Variants in WASHC4 observed in about 807,000 individuals in gnomAD.
The protein encoded by WASHC4 is WASH complex subunit 4, also known as WASH complex subunit 7.
A neutral mutation model predicts 166.6 loss-of-function variants in WASHC4; 86 were observed. The observed-to-expected ratio is 0.52, with a 90% confidence interval of 0.43 to 0.62. The LOEUF is 0.62. Ranked by LOEUF, WASHC4 falls within the 20% of genes least tolerant of loss-of-function variation. WASHC4 has a pLI of 0.00. For missense variants in WASHC4, 1,262 were observed against 1,382.4 expected, an observed-to-expected ratio of 0.91 and a Z score of 1.38; for synonymous variants, 446 against 451.6, an observed-to-expected ratio of 0.99 and a Z score of 0.16.
chr12:105,152,635 A>G lies in WASHC4; in HGVS notation c.2758+184A>G, dbSNP rs570939139. Among the ~76,000 whole-genome samples, 17 of 152,298 alleles carry G rather than the reference A, an allele frequency of 1.1e-4. No homozygotes were observed. The East Asian group carries it at 3.1e-3, about 28-fold the overall frequency. ...TAGACTGTTGCTGCAGAAATAATTG[A>G]TAGACTATAGGCTAATCACGTAAAT... On this transcript the variant is annotated intron_variant, in intron 26 of 32. Coordinates refer to ENST00000332180, the MANE Select transcript of WASHC4 (RefSeq NM_015275.3).
intron 2 of WASHC4, among the ~76,000 whole-genome samples, chr12:105,113,227 TG>T (rs1375278404): frequency 1.2e-4 from 18 of 152,214 alleles, no homozygotes; most frequent in African/African-American, 4.1e-4. Context: ...TAATACATGT[TG>T]ATTTTTTAAA....
At chr12:105,160,606 CCTCCCAAAGTG>C (rs1338191595) in intron 29 of WASHC4, among the ~76,000 whole-genome samples, 6 of 152,176 alleles carry the variant, frequency 3.9e-5, no homozygotes, top group African/African-American at 1.4e-4. Context: ...CTTGCCTTGG[CCTCCCAAAGTG>C]CTGAGATTAC....
chr12:105,164,024 G>A, intron 30 of WASHC4, 87 bp from the exon 31 acceptor site: 1 of 1,143,768 alleles, frequency 8.7e-7, no homozygotes, highest in Non-Finnish European at 1.3e-6. Context: ...TACTCAGAAT[G>A]CTTAGTGTTG....
At chr12:105,140,459 A>T in intron 16 of WASHC4, 58 bp downstream of exon 16, 1 of 1,228,788 alleles carries the variant, frequency 8.1e-7, no homozygotes, top group East Asian at 2.3e-5. Flanking sequence ...TTGTTCTTTC[A>T]TTGTTTTATA....
At chr12:105,116,754 G>A (rs1880222015) in intron 6 of WASHC4, among the ~76,000 whole-genome samples, 1 of 152,196 alleles carries the variant, frequency 6.6e-6, no homozygotes, top group Non-Finnish European at 1.5e-5. Flanking sequence ...AATAAGAAGA[G>A]AGGGGATTCA....
chr12:105,157,769 A>G (rs923971298), intron 28 of WASHC4, among the ~76,000 whole-genome samples: 1 of 152,160 alleles, frequency 6.6e-6, no homozygotes, highest in Non-Finnish European at 1.5e-5. Context: ...ACTACCATAT[A>G]TGGCCGGTAA....
intron 13 of WASHC4, among the ~76,000 whole-genome samples, chr12:105,128,945 A>ATTT (rs60081185): frequency 1.0e-5 from 1 of 99,660 alleles, no homozygotes; most frequent in African/African-American, 3.8e-5. Context: ...GCCCAGCTAC[A>ATTT]TTTTTTTTTT....
chr12:105,125,003 A>G (rs1382485514), intron 10 of WASHC4, among the ~76,000 whole-genome samples: 1 of 152,266 alleles, frequency 6.6e-6, no homozygotes, highest in African/African-American at 2.4e-5. Context: ...TATATCAGAC[A>G]GCACAGATAC....
chr12:105,157,001 T>C (rs1884204011), intron 27 of WASHC4, among the ~76,000 whole-genome samples: 1 of 152,224 alleles, frequency 6.6e-6, no homozygotes, highest in Admixed American at 6.5e-5. Flanking sequence ...TAAGTTAATT[T>C]ATCAATATGG....
intron 18 of WASHC4, among the ~76,000 whole-genome samples, chr12:105,142,087 T>C (rs1305502020): frequency 6.6e-6 from 1 of 151,922 alleles, no homozygotes; most frequent in Non-Finnish European, 1.5e-5. Flanking sequence ...GATGCAAGTA[T>C]TTAAGTCTAG....
intron 32 of WASHC4, 67 bp downstream of exon 32, chr12:105,164,807 T>G: frequency 9.6e-7 from 1 of 1,040,532 alleles, no homozygotes; most frequent in Non-Finnish European, 1.5e-6. Flanking sequence ...AATGCACCAT[T>G]TTATCTGGTC....
At chr12:105,155,507 TA>T (rs11339977) in intron 26 of WASHC4, among the ~76,000 whole-genome samples, 152,180 of 152,180 alleles carry the variant, frequency 1, 76,090 homozygotes, top group Non-Finnish European at 1. Context: ...GGATTTTGAT[TA>T]CTGAGGGTGG....
rs1884903391 is a variant in WASHC4 at position 105,168,137 on chromosome 12, A to C, written c.*1206A>C. Reference sequence around the variant, plus strand: ...TGTCTGCTAAACATTTCTTTGGATAAATCCTGCAAATACTTCTAACATTAT... The same window carrying C: ...TGTCTGCTAAACATTTCTTTGGATACATCCTGCAAATACTTCTAACATTAT... On this transcript the variant is annotated 3_prime_UTR_variant, in exon 33 of 33. Coordinates refer to ENST00000332180, the MANE Select transcript of WASHC4 (RefSeq NM_015275.3). The C allele has an allele frequency of 6.6e-6, 1 of 152,114 alleles. No individual in the cohort carries two copies. The highest frequency in any genetic ancestry group is 2.1e-4 in the South Asian group (1 of 4,832). The allele number at this position is 152,114 out of a possible 1,614,324, so 9.4% of individuals were successfully genotyped here.
intron 18 of WASHC4, among the ~76,000 whole-genome samples, chr12:105,141,746 A>G (rs1462681597): frequency 6.6e-6 from 1 of 152,110 alleles, no homozygotes; most frequent in East Asian, 1.9e-4. Context: ...CTTGAAGGGA[A>G]ATTTGAATTT....
At chr12:105,141,710 T>C (rs781680490) in intron 18 of WASHC4, among the ~76,000 whole-genome samples, 52 of 152,334 alleles carry the variant, frequency 3.4e-4, no homozygotes, top group Non-Finnish European at 6.9e-4. Context: ...TTTCTTGTTT[T>C]CTTTTTGTTG....
chr12:105,165,409 A>C (rs1884748743), intron 32 of WASHC4, among the ~76,000 whole-genome samples: 3 of 152,236 alleles, frequency 2.0e-5, no homozygotes, highest in South Asian at 4.1e-4. Flanking sequence ...ATTTAGGAAT[A>C]ATCATCTTCT....
At chr12:105,120,469 A>G in intron 7 of WASHC4, 86 bp from the exon 8 acceptor site, 1 of 790,952 alleles carries the variant, frequency 1.3e-6, no homozygotes, top group Non-Finnish European at 2.2e-6. Flanking sequence ...AAATTCCAAG[A>G]TCATCTGCTC....
intron 11 of WASHC4, 33 bp downstream of exon 11, chr12:105,126,160 A>G (rs920503499): frequency 3.7e-6 from 6 of 1,612,790 alleles, no homozygotes; most frequent in African/African-American, 1.3e-5. Flanking sequence ...GTTTTTGTTT[A>G]TAAAATTTGC....
chr12:105,123,554 C>T (rs1440055761), intron 10 of WASHC4, among the ~76,000 whole-genome samples: 1 of 152,232 alleles, frequency 6.6e-6, no homozygotes, highest in Non-Finnish European at 1.5e-5. Flanking sequence ...AAGGCTGTAA[C>T]TCTCTTTAAT....
Sources: gnomAD v4.1 joint callset for allele counts (sites outside exome capture counted in the v4.1 genomes callset) on GRCh38, gnomAD v4.1.1 for gene constraint, MANE v1.5 for transcripts, NCBI Gene and HGNC (gene_info 2026-07-23, HGNC 2026-07-21) for gene names.